NSRP1: variants seen among roughly 807,000 people sequenced by gnomAD.
NSRP1 encodes coiled-coil domain containing 55.
In NSRP1, 24 loss-of-function variants were observed where a neutral mutation model predicts 54.7. The observed-to-expected ratio is 0.44, with a 90% confidence interval of 0.32 to 0.62. The LOEUF is 0.62. Ranked by LOEUF, NSRP1 falls within the 20% of genes least tolerant of loss-of-function variation. The probability of loss-of-function intolerance (pLI) is 0.06; values close to 1 mark genes in which losing one functional copy is unlikely to be tolerated. For synonymous variants in NSRP1, 210 were observed against 213.8 expected, an observed-to-expected ratio of 0.98 and a Z score of 0.15; for missense variants, 596 against 651.2, an observed-to-expected ratio of 0.92 and a Z score of 0.92.
chr17:30,117,237 T>C lies in NSRP1; in HGVS notation c.20+374T>C. On this transcript the variant is annotated intron_variant, in intron 1 of 6. Transcript: ENST00000247026. ...GAAGAGAGACAGTTCCTGGCTTCCT[T>C]AGAGGGCCTTGTTCTCCTTGGCAGA... is the stretch of plus-strand genomic sequence containing the variant. 1.5e-5 allele frequency: 9 copies of C among 614,518 alleles called. No homozygotes were observed. In the South Asian group the frequency reaches 1.6e-4, roughly 11 times the overall value. 38.1% of individuals were successfully genotyped at this position (614,518 alleles called of 1,614,324 possible). A position where few individuals can be genotyped will look rare whatever the true frequency, so the allele number is the denominator to read the frequency against.
At chr17:30,177,159 C>G (rs1032940061) in intron 3 of NSRP1, among the ~76,000 whole-genome samples, 13 of 151,732 alleles carry the variant, frequency 8.6e-5, no homozygotes, top group South Asian at 2.1e-4. Context: ...TCATTTGAGC[C>G]CAGGAGTTCA....
At chr17:30,138,909 GT>G (rs964449971) in intron 2 of NSRP1, among the ~76,000 whole-genome samples, 515 of 58,144 alleles carry the variant, frequency 8.9e-3, no homozygotes, top group African/African-American at 0.021. Flanking sequence ...AAGTCTTAGC[GT>G]TTTTTTTTTT....
At position 30,128,333 on chromosome 17, in the gene NSRP1, T is replaced by A. The variant is rs192116363; in HGVS notation, c.114+10160T>A. On this transcript the variant is annotated intron_variant, in intron 2 of 6. Transcript: ENST00000247026. ...GAGACAAATATAGAAAAAATAGAAA[T>A]ATCTAATGAACATTAAAAATACTCA... 20 of 151,674 alleles carry A rather than the reference T, an allele frequency of 1.3e-4. No homozygotes were observed. In the East Asian group the frequency reaches 1.9e-3, roughly 15 times the overall value. 9.4% of individuals were successfully genotyped at this position (151,674 alleles called of 1,614,324 possible).
intron 2 of NSRP1, chr17:30,127,865 G>T (rs768158220): frequency 1.0e-5 from 4 of 397,056 alleles, no homozygotes; most frequent in Admixed American, 8.8e-5. Flanking sequence ...ACAGGATCTT[G>T]CTCTTTCACC....
At chr17:30,123,560 A>G (rs2071623326) in intron 2 of NSRP1, among the ~76,000 whole-genome samples, 1 of 152,112 alleles carries the variant, frequency 6.6e-6, no homozygotes, top group Non-Finnish European at 1.5e-5. Flanking sequence ...TCGAAGCACA[A>G]AAGTTGTTTT....
intron 2 of NSRP1, among the ~76,000 whole-genome samples, chr17:30,123,411 C>T (rs542896845): frequency 8.5e-5 from 13 of 152,292 alleles, no homozygotes; most frequent in South Asian, 2.1e-4. Context: ...CCACCGTGCC[C>T]GGCTTTACCT....
At chr17:30,167,139 A>AT (rs1904760686) in intron 2 of NSRP1, among the ~76,000 whole-genome samples, 1 of 152,078 alleles carries the variant, frequency 6.6e-6, no homozygotes, top group Non-Finnish European at 1.5e-5. Context: ...AACATACGAT[A>AT]TTTATCTTTT....
Position 30,147,842 on chromosome 17 carries a change from G to A in NSRP1, c.115-24700G>A, listed in dbSNP as rs564445880. Among the ~76,000 whole-genome samples the A allele has an allele frequency of 2.0e-4, 29 of 147,266 alleles. No homozygotes were observed. In the East Asian group the frequency reaches 5.6e-3, roughly 28 times the overall value. On this transcript the variant is annotated intron_variant, in intron 2 of 6. Transcript: ENST00000247026. ...TTTTTTTTTTTTGAGACGGAGTTTCGCTCTTGTCCCCCTGGCTGGAGTGCA... is the reference window on the plus strand; with the variant it reads ...TTTTTTTTTTTTGAGACGGAGTTTCACTCTTGTCCCCCTGGCTGGAGTGCA...
intron 2 of NSRP1, among the ~76,000 whole-genome samples, chr17:30,154,164 T>C (rs1567798765): frequency 6.6e-6 from 1 of 151,118 alleles, no homozygotes; most frequent in African/African-American, 2.4e-5. Context: ...CTACAAAAAA[T>C]AAAAAAATAA....
intron 2 of NSRP1, among the ~76,000 whole-genome samples, chr17:30,133,370 T>C (rs1402207408): frequency 6.6e-6 from 1 of 152,154 alleles, no homozygotes; most frequent in Admixed American, 6.6e-5. Context: ...TGTACATCTC[T>C]GTCAGAGCTC....
intron 2 of NSRP1, chr17:30,168,303 A>G (rs1744949924): frequency 6.6e-6 from 1 of 152,086 alleles, no homozygotes; most frequent in Non-Finnish European, 1.5e-5. Context: ...GGATTATTGT[A>G]ACTACTGTTG....
chr17:30,156,795 A>C (rs938546484), intron 2 of NSRP1: 1 of 152,326 alleles, frequency 6.6e-6, no homozygotes, highest in Non-Finnish European at 1.5e-5. Context: ...CTGAGATTAC[A>C]GGTGTGAGCC....
chr17:30,175,305 C>T (rs967366014), intron 3 of NSRP1, among the ~76,000 whole-genome samples: 1 of 152,080 alleles, frequency 6.6e-6, no homozygotes, highest in African/African-American at 2.4e-5. Flanking sequence ...CTTGTTTGAC[C>T]CATCTATTAT....
Position 30,147,368 on chromosome 17 carries a change from G to A in NSRP1, c.115-25174G>A, listed in dbSNP as rs187822672. ...TGGTCTTGAACTCCTGACCTCAGGA[G>A]ATCTGCCCACCTTGGCCTCCTAAAG... On this transcript the variant is annotated intron_variant, in intron 2 of 6. Coordinates refer to ENST00000247026, the MANE Select transcript of NSRP1 (RefSeq NM_032141.4). 4.0e-3 allele frequency among the ~76,000 whole-genome samples: 612 copies of A among 151,848 alleles called. 3 individuals are homozygous for A. Among genetic ancestry groups the A allele is most frequent in the Admixed American group, 7.9e-3 (120 of 15,244 alleles).
At chr17:30,163,528 A>G (rs1904612160) in intron 2 of NSRP1, among the ~76,000 whole-genome samples, 1 of 152,008 alleles carries the variant, frequency 6.6e-6, no homozygotes, top group Non-Finnish European at 1.5e-5. Context: ...CTTTTAGGTC[A>G]TATCTGACTG....
At chr17:30,163,249 T>TGTGTGTGTGTG (rs1567801752) in intron 2 of NSRP1, 5 of 113,806 alleles carry the variant, frequency 4.4e-5, no homozygotes, top group African/African-American at 2.1e-4. Context: ...GTGTGTGTGT[T>TGTGTGTGTGTG]TTTAGTAGAG....
chr17:30,176,852 G>T (rs534840727), intron 3 of NSRP1, among the ~76,000 whole-genome samples: 37 of 152,222 alleles, frequency 2.4e-4, no homozygotes, highest in African/African-American at 8.7e-4. Context: ...AAGTTTTTCA[G>T]TTAGCATGTG....
Position 30,185,911 on chromosome 17 carries a change from C to T in NSRP1, c.*237C>T, listed in dbSNP as rs918683501. On this transcript the variant is annotated 3_prime_UTR_variant, in exon 7 of 7. Coordinates refer to ENST00000247026, the MANE Select transcript of NSRP1 (RefSeq NM_032141.4). ...CACATTCTTTGTTGTATTCAAGAAC[C>T]GTTAAGAGTGTGCTAATTCCCTGTA... The T allele has an allele frequency of 1.6e-5, 5 of 317,426 alleles. No individual in the cohort carries two copies. The Admixed American group carries it at 1.9e-4, about 12-fold the overall frequency. 19.7% of individuals were successfully genotyped at this position (317,426 alleles called of 1,614,324 possible).
At chr17:30,181,755 T>TA (rs1364051942) in intron 6 of NSRP1, among the ~76,000 whole-genome samples, 6 of 151,818 alleles carry the variant, frequency 4.0e-5, no homozygotes, top group Admixed American at 1.3e-4. Context: ...GGACTATAGG[T>TA]GCATGCACTA....
Sources: gnomAD v4.1 joint callset for allele counts (sites outside exome capture counted in the v4.1 genomes callset) on GRCh38, gnomAD v4.1.1 for gene constraint, MANE v1.5 for transcripts, NCBI Gene and HGNC (gene_info 2026-07-23, HGNC 2026-07-21) for gene names.